Variants in GRIN2A observed in about 807,000 individuals in gnomAD.
GRIN2A encodes the protein glutamate receptor ionotropic, NMDA 2A.
A neutral mutation model predicts 113.4 loss-of-function variants in GRIN2A; 22 were observed. That is an observed-to-expected ratio of 0.19 (90% CI 0.14 to 0.28). The LOEUF is 0.28. GRIN2A is among the 10% of genes least tolerant of loss of function. The pLI is 1.00. For missense variants in GRIN2A, 1,502 were observed against 1,887.0 expected (o/e 0.80, Z 3.78); for synonymous variants, 827 against 738.4 (o/e 1.12, Z -1.94).
chr16:9,883,456 G>A (rs912536025), intron 4 of GRIN2A, among the ~76,000 whole-genome samples: 7 of 152,184 alleles, frequency 4.6e-5, no homozygotes, highest in Admixed American at 1.3e-4. Flanking sequence ...CAGGTCTGCA[G>A]GAATGAAGTG....
intron 2 of GRIN2A, among the ~76,000 whole-genome samples, chr16:10,087,054 A>G (rs541369806): frequency 1.5e-4 from 23 of 152,220 alleles, no homozygotes; most frequent in Non-Finnish European, 3.1e-4. Flanking sequence ...CTGCTATAAC[A>G]ATGGAAGTCG....
At chr16:10,020,526 C>A (rs544639702) in intron 2 of GRIN2A, among the ~76,000 whole-genome samples, 2 of 152,296 alleles carry the variant, frequency 1.3e-5, no homozygotes, top group South Asian at 4.1e-4. Context: ...CAGCAGGCTG[C>A]AGCTGTGTGT....
rs1429514630 is a variant in GRIN2A, at chr16:9,761,300, A to G, written c.*1849T>C. 2.2e-5 allele frequency: 5 copies of G among 229,106 alleles called. No homozygotes were observed. The highest frequency in any genetic ancestry group is 3.6e-4 in the South Asian group (2 of 5,496). 14.2% of individuals were successfully genotyped at this position (229,106 alleles called of 1,614,324 possible). A position where few individuals can be genotyped will look rare whatever the true frequency, so the allele number is the denominator to read the frequency against. On this transcript the variant is annotated 3_prime_UTR_variant, in exon 13 of 13. Transcript: ENST00000330684. ...ATACTTACAAAACAGAACGCACACCATGAGGAGAAGAAATGGGATAATTTT... is the reference window on the plus strand; with the variant it reads ...ATACTTACAAAACAGAACGCACACCGTGAGGAGAAGAAATGGGATAATTTT...
chr16:9,763,363 T>G lies in GRIN2A; in HGVS notation c.4181A>C (p.Gln1394Pro), dbSNP rs1900680940. 1 of 1,614,008 alleles carries G rather than the reference T, an allele frequency of 6.2e-7. No homozygotes were observed. Among genetic ancestry groups the G allele is most frequent in the South Asian group, 1.1e-5 (1 of 91,088 alleles). The change falls in exon 13 of 13, where the codon CAG (glutamine) becomes CCG (proline). Residue 1394 changes from glutamine to proline, a missense_variant. Physicochemically the swap from Gln to Pro is moderately conservative, Grantham distance 76 (BLOSUM62 -1). Coordinates refer to ENST00000330684, the MANE Select transcript of GRIN2A (RefSeq NM_001134407.3). ...SDPYKHSLPS[Q>P]AVNDSYLRSS... ...CCGAAGATAGCTGTCATTCACCGCC[T>G]GGGATGGCAACGAGTGTTTGTAAGG...
At chr16:9,857,944 C>T (rs970443305) in intron 4 of GRIN2A, among the ~76,000 whole-genome samples, 1 of 152,236 alleles carries the variant, frequency 6.6e-6, no homozygotes, top group African/African-American at 2.4e-5. Context: ...AAGGGTTTCA[C>T]AATAGCCTTA....
At chr16:10,023,731 C>T (rs1239486234) in intron 2 of GRIN2A, among the ~76,000 whole-genome samples, 1 of 152,184 alleles carries the variant, frequency 6.6e-6, no homozygotes, top group East Asian at 1.9e-4. Context: ...AACCTACAAA[C>T]AGAAATAATG....
chr16:9,865,744 G>T (rs72781993), intron 4 of GRIN2A, among the ~76,000 whole-genome samples: 10,992 of 152,188 alleles, frequency 0.072, 636 homozygotes, highest in Non-Finnish European at 0.1. Flanking sequence ...ACACAGCAGT[G>T]AATAGACCCT....
intron 2 of GRIN2A, among the ~76,000 whole-genome samples, chr16:9,952,767 T>A (rs115346453): frequency 5.1e-4 from 77 of 152,040 alleles, no homozygotes; most frequent in African/African-American, 1.6e-3. Context: ...AATGCTTATA[T>A]CTGTGGGATT....
rs1900295408 is a variant in GRIN2A, at chr16:9,754,929, T to A, written c.*8220A>T. On this transcript the variant is annotated 3_prime_UTR_variant, in exon 13 of 13. Coordinates refer to ENST00000330684, the MANE Select transcript of GRIN2A (RefSeq NM_001134407.3). ...ATTTAAAATGCCAAAGACAAACTCA[T>A]GTTTGCTGGAGAACAATTAACCTCA... is the stretch of plus-strand genomic sequence containing the variant. 4.6e-6 allele frequency: 1 copy of A among 219,704 alleles called. No individual in the cohort carries two copies. The highest frequency in any genetic ancestry group is 1.8e-4 in the South Asian group (1 of 5,418). 13.6% of individuals were successfully genotyped at this position (219,704 alleles called of 1,614,324 possible). A position where few individuals can be genotyped will look rare whatever the true frequency, so the allele number is the denominator to read the frequency against.
intron 2 of GRIN2A, among the ~76,000 whole-genome samples, chr16:10,001,449 G>A (rs2046317563): frequency 6.6e-6 from 1 of 152,182 alleles, no homozygotes; most frequent in Non-Finnish European, 1.5e-5. Flanking sequence ...TTTCAAGTCA[G>A]TAGACCAATG....
intron 2 of GRIN2A, among the ~76,000 whole-genome samples, chr16:10,071,146 C>T (rs1288020798): frequency 6.6e-6 from 1 of 152,150 alleles, no homozygotes; most frequent in Non-Finnish European, 1.5e-5. Flanking sequence ...AAGAACCATG[C>T]CTAGCACATG....
rs141912603 is a variant in GRIN2A at position 9,938,225 on chromosome 16, G to A, written c.741C>T (p.Gly247=). The A allele has an allele frequency of 5.5e-5, 89 of 1,614,028 alleles. No homozygotes were observed. The African/African-American group carries it at 1.1e-3, about 20-fold the overall frequency. The change falls in exon 3 of 13, where the codon GGC becomes GGT. Residue 247 remains glycine (G), a synonymous_variant. Coordinates refer to ENST00000330684, the MANE Select transcript of GRIN2A (RefSeq NM_001134407.3). ...VLILSEARSL[G]LTGYDFFWIV... is the part of the protein sequence containing the mutation. ...TCCAGAAGAAATCATACCCGGTGAG[G>A]CCAAGGGAGCGGGCCTCACTCAGAA...
chr16:9,957,464 T>G (rs976618896), intron 2 of GRIN2A, among the ~76,000 whole-genome samples: 2 of 152,176 alleles, frequency 1.3e-5, no homozygotes, highest in Non-Finnish European at 1.5e-5. Flanking sequence ...TTTAATAAAC[T>G]TTTTTCATGC....
At chr16:9,968,475 G>A (rs2045605487) in intron 2 of GRIN2A, among the ~76,000 whole-genome samples, 1 of 151,554 alleles carries the variant, frequency 6.6e-6, no homozygotes, top group South Asian at 2.1e-4. Context: ...CACCACACCT[G>A]GCTAATTTTG....
At chr16:10,022,925 T>G (rs906569685) in intron 2 of GRIN2A, among the ~76,000 whole-genome samples, 4 of 152,290 alleles carry the variant, frequency 2.6e-5, no homozygotes, top group African/African-American at 9.6e-5. Context: ...ATAATCAGTA[T>G]GACTACCACA....
At chr16:9,997,327 A>G (rs2046242740) in intron 2 of GRIN2A, among the ~76,000 whole-genome samples, 1 of 152,216 alleles carries the variant, frequency 6.6e-6, no homozygotes, top group Non-Finnish European at 1.5e-5. Context: ...CAAATGGTAC[A>G]GTAATGGTGT....
At chr16:9,898,641 C>T (rs545988138) in intron 3 of GRIN2A, among the ~76,000 whole-genome samples, 2 of 152,250 alleles carry the variant, frequency 1.3e-5, no homozygotes, top group South Asian at 4.1e-4. Context: ...AGGGACGTTT[C>T]CTGGATCACA....
intron 11 of GRIN2A, among the ~76,000 whole-genome samples, chr16:9,769,906 C>G (rs1421781760): frequency 6.6e-6 from 1 of 152,150 alleles, no homozygotes; most frequent in Non-Finnish European, 1.5e-5. Context: ...GAGCAGCATA[C>G]TTAGGGCACA....
At chr16:10,050,072 G>C (rs1005001991) in intron 2 of GRIN2A, among the ~76,000 whole-genome samples, 4 of 152,154 alleles carry the variant, frequency 2.6e-5, no homozygotes, top group African/African-American at 7.2e-5. Flanking sequence ...TGGCCGAGAA[G>C]ACTTCACAGA....
Sources: gnomAD v4.1 joint callset for allele counts (sites outside exome capture counted in the v4.1 genomes callset) on GRCh38, gnomAD v4.1.1 for gene constraint, MANE v1.5 for transcripts, NCBI Gene and HGNC (gene_info 2026-07-23, HGNC 2026-07-21) for gene names.